SDK1: variants seen among roughly 807,000 people sequenced by gnomAD.
The protein encoded by SDK1 is sidekick cell adhesion molecule 1, also known as protein sidekick-1.
SDK1 carries 157 observed loss-of-function variants against 245.5 expected under a neutral mutation model. The observed-to-expected ratio is 0.64, with a 90% CI of 0.56 to 0.73. The LOEUF is 0.73. Ranked by LOEUF, SDK1 falls within the 30% of genes least tolerant of loss-of-function variation. The probability of loss-of-function intolerance (pLI) is 0.00; values close to 1 mark genes in which losing one functional copy is unlikely to be tolerated. For missense variants in SDK1, 3,583 were observed against 3,002.3 expected, an observed-to-expected ratio of 1.19 and a Z score of -4.52; for synonymous variants, 1,647 against 1,278.5, an observed-to-expected ratio of 1.29 and a Z score of -6.15.
At chr7:3,396,579 C>T (rs1781901508) in intron 1 of SDK1, among the ~76,000 whole-genome samples, 1 of 151,610 alleles carries the variant, frequency 6.6e-6, no homozygotes, top group Admixed American at 6.6e-5. Flanking sequence ...GTTATCTTTA[C>T]CTGCTGAATT....
At chr7:4,008,881 A>G (rs1190195150) in intron 14 of SDK1, among the ~76,000 whole-genome samples, 1 of 152,040 alleles carries the variant, frequency 6.6e-6, no homozygotes, top group Admixed American at 6.6e-5. Context: ...ATCTCTTCGA[A>G]CCCCTCCTTT....
intron 4 of SDK1, among the ~76,000 whole-genome samples, chr7:3,736,970 G>A (rs1260172783): frequency 6.6e-6 from 1 of 152,156 alleles, no homozygotes; most frequent in Non-Finnish European, 1.5e-5. Flanking sequence ...TCTACTCTCT[G>A]TTTCTAAGAG....
At chr7:3,502,633 A>G (rs764528339) in intron 1 of SDK1, among the ~76,000 whole-genome samples, 1 of 152,138 alleles carries the variant, frequency 6.6e-6, no homozygotes, top group Non-Finnish European at 1.5e-5. Flanking sequence ...CATTTTCAGA[A>G]CTACCCGTTT....
At chr7:3,612,106 G>C (rs1269369398) in intron 1 of SDK1, among the ~76,000 whole-genome samples, 1 of 152,132 alleles carries the variant, frequency 6.6e-6, no homozygotes, top group South Asian at 2.1e-4. Flanking sequence ...GGTGGGACGG[G>C]GGTGAGGGAT....
intron 25 of SDK1, among the ~76,000 whole-genome samples, chr7:4,120,646 T>A (rs1203538226): frequency 2.0e-5 from 3 of 149,854 alleles, no homozygotes; most frequent in African/African-American, 7.3e-5. Context: ...AGGTGGAGTC[T>A]CACTCTGTCA....
intron 1 of SDK1, among the ~76,000 whole-genome samples, chr7:3,579,408 G>T (rs993443805): frequency 1.3e-5 from 2 of 152,170 alleles, no homozygotes; most frequent in Non-Finnish European, 1.5e-5. Flanking sequence ...TACATAAACA[G>T]AACTAAAGAC....
intron 1 of SDK1, among the ~76,000 whole-genome samples, chr7:3,334,852 A>G (rs1240639140): frequency 6.6e-6 from 1 of 151,998 alleles, no homozygotes; most frequent in Non-Finnish European, 1.5e-5. Flanking sequence ...CTCACATCTA[A>G]TATGTTTGAA....
chr7:3,389,625 TGTG>T (rs1232373145), intron 1 of SDK1, among the ~76,000 whole-genome samples: 1 of 152,002 alleles, frequency 6.6e-6, no homozygotes, highest in Non-Finnish European at 1.5e-5. Flanking sequence ...ACAGGATAGG[TGTG>T]GTGGCTCAAG....
At chr7:3,333,530 C>T (rs1440955620) in intron 1 of SDK1, among the ~76,000 whole-genome samples, 3 of 152,130 alleles carry the variant, frequency 2.0e-5, no homozygotes, top group Non-Finnish European at 2.9e-5. Flanking sequence ...GCTTTATTTC[C>T]TTTCACACTC....
At chr7:3,895,233 A>G (rs1352427896) in intron 5 of SDK1, among the ~76,000 whole-genome samples, 1 of 152,086 alleles carries the variant, frequency 6.6e-6, no homozygotes, top group Non-Finnish European at 1.5e-5. Flanking sequence ...TCATTCTTAT[A>G]TTTATTTATT....
At position 4,208,026 on chromosome 7, in the gene SDK1, C is replaced by A. The variant is rs1039268366; in HGVS notation, c.5215-73C>A. The A allele has an allele frequency of 4.2e-6, 5 of 1,187,646 alleles. No individual in the cohort carries two copies. The African/African-American group carries it at 4.6e-5, about 11-fold the overall frequency. 73.6% of individuals were successfully genotyped at this position (1,187,646 alleles called of 1,614,324 possible). On this transcript the variant is annotated intron_variant, in intron 36 of 44. Coordinates refer to ENST00000404826, the MANE Select transcript of SDK1 (RefSeq NM_152744.4). ...ACTCAGCTCACCCCCTCGCTTTGAC[C>A]TTACACTCAGTGGCCCCCGCTTACT...
At chr7:4,204,182 C>T (rs186105533) in intron 35 of SDK1, among the ~76,000 whole-genome samples, 163 of 152,360 alleles carry the variant, frequency 1.1e-3, no homozygotes, top group African/African-American at 3.7e-3. Flanking sequence ...AATTGTACAA[C>T]AGTAATTTTG....
At chr7:3,599,277 G>A (rs1055390644) in intron 1 of SDK1, among the ~76,000 whole-genome samples, 2 of 151,972 alleles carry the variant, frequency 1.3e-5, no homozygotes, top group African/African-American at 4.8e-5. Flanking sequence ...TCTCTTTAGT[G>A]AAATGTCTGT....
intron 41 of SDK1, among the ~76,000 whole-genome samples, chr7:4,236,799 G>C (rs781092681): frequency 4.6e-5 from 7 of 152,134 alleles, no homozygotes; most frequent in Non-Finnish European, 1.0e-4. Flanking sequence ...GACGGAGAAG[G>C]CAGGGGACCT....
chr7:3,757,113 C>A (rs187064099), intron 4 of SDK1, among the ~76,000 whole-genome samples: 23 of 152,254 alleles, frequency 1.5e-4, no homozygotes, highest in African/African-American at 5.3e-4. Context: ...CAACTCCCAG[C>A]GTTAGCACAG....
At chr7:3,345,262 T>C (rs1210727850) in intron 1 of SDK1, among the ~76,000 whole-genome samples, 1 of 152,206 alleles carries the variant, frequency 6.6e-6, no homozygotes, top group Non-Finnish European at 1.5e-5. Flanking sequence ...CTCTGGGACC[T>C]GACTTCTTCC....
intron 5 of SDK1, among the ~76,000 whole-genome samples, chr7:3,908,690 AT>A (rs556054507): frequency 3.3e-4 from 50 of 152,048 alleles, no homozygotes; most frequent in Middle Eastern, 3.4e-3. Flanking sequence ...TCTTTAATAT[AT>A]TTTTCATGTC....
At position 4,220,155 on chromosome 7, in the gene SDK1, C is replaced by G; in HGVS notation, c.5586C>G (p.Arg1862=). The part of the protein sequence containing the change: ...VTVEVRGNWQ[R]WLKVRDLTKG... ...TGGAAGTGAGAGGGAACTGGCAGCG[C>G]TGGCTGAAGGTGCGGGACCTCACCA... is the stretch of plus-strand genomic sequence containing the variant. The change falls in exon 39 of 45, where the codon CGC becomes CGG. Residue 1862 remains arginine, a synonymous_variant. Coordinates refer to ENST00000404826, the MANE Select transcript of SDK1 (RefSeq NM_152744.4). 1 of 1,614,078 alleles carries G rather than the reference C, an allele frequency of 6.2e-7. No individual in the cohort carries two copies. The highest frequency in any genetic ancestry group is 1.1e-5 in the South Asian group (1 of 91,070).
At chr7:4,059,987 G>A (rs928367453) in intron 19 of SDK1, among the ~76,000 whole-genome samples, 1 of 150,474 alleles carries the variant, frequency 6.6e-6, no homozygotes, top group African/African-American at 2.4e-5. Flanking sequence ...TCACGCCATT[G>A]TCCTGCTTCA....
Sources: allele counts gnomAD v4.1 joint callset (sites outside exome capture counted in the v4.1 genomes callset), GRCh38; gene constraint gnomAD v4.1.1; transcripts MANE v1.5; gene names NCBI Gene and HGNC (gene_info 2026-07-23, HGNC 2026-07-21).